Variants in SMIM14 observed in about 807,000 individuals in gnomAD.
SMIM14 encodes the protein chromosome 4 open reading frame 34.
SMIM14 carries 5 observed loss-of-function variants against 12.6 expected under a neutral mutation model. The observed-to-expected ratio is 0.40, with a 90% CI of 0.21 to 0.83. The LOEUF is 0.83. SMIM14 is among the 40% of genes least tolerant of loss of function. SMIM14 has a pLI of 0.37. For missense variants in SMIM14, 86 were observed against 119.1 expected (o/e 0.72, Z 1.29); for synonymous variants, 30 against 40.1 (o/e 0.75, Z 0.95).
intron 2 of SMIM14, among the ~76,000 whole-genome samples, chr4:39,602,563 C>T (rs1714659258): frequency 6.6e-6 from 1 of 152,106 alleles, no homozygotes; most frequent in African/African-American, 2.4e-5. Flanking sequence ...TCATTGTACT[C>T]CAGCCTGGGC....
At chr4:39,552,844 G>T (rs1711787630) in intron 4 of SMIM14, among the ~76,000 whole-genome samples, 1 of 152,140 alleles carries the variant, frequency 6.6e-6, no homozygotes, top group South Asian at 2.1e-4. Flanking sequence ...GTAAAGGAAA[G>T]ATCAGAGTTT....
intron 2 of SMIM14, among the ~76,000 whole-genome samples, chr4:39,585,676 A>G (rs1713750976): frequency 6.6e-6 from 1 of 152,066 alleles, no homozygotes; most frequent in Admixed American, 6.6e-5. Context: ...TGATTTGCTA[A>G]TATCAAAAGA....
chr4:39,602,723 T>C (rs1714664528), intron 2 of SMIM14, among the ~76,000 whole-genome samples: 4 of 152,046 alleles, frequency 2.6e-5, no homozygotes. Flanking sequence ...CCCTCAAGAG[T>C]CTGATTTAAT....
chr4:39,615,771 C>G (rs138028011), intron 1 of SMIM14, among the ~76,000 whole-genome samples: 24 of 152,228 alleles, frequency 1.6e-4, no homozygotes, highest in African/African-American at 5.8e-4. Flanking sequence ...ACCATTGAAA[C>G]TGGATCATGG....
chr4:39,579,219 G>A (rs1446413633), intron 2 of SMIM14, among the ~76,000 whole-genome samples: 1 of 151,416 alleles, frequency 6.6e-6, no homozygotes, highest in Non-Finnish European at 1.5e-5. Flanking sequence ...GAACAGCCTG[G>A]GCAACATGGA....
At chr4:39,614,008 T>C (rs1253206156) in intron 1 of SMIM14, among the ~76,000 whole-genome samples, 1 of 151,826 alleles carries the variant, frequency 6.6e-6, no homozygotes, top group Non-Finnish European at 1.5e-5. Context: ...GTGGCCAATA[T>C]GGTGTGAAAC....
intron 1 of SMIM14, among the ~76,000 whole-genome samples, chr4:39,623,786 C>G (rs1715591949): frequency 6.6e-6 from 1 of 152,112 alleles, no homozygotes; most frequent in African/African-American, 2.4e-5. Flanking sequence ...CACTTGAACC[C>G]AGGAGGCAGA....
intron 3 of SMIM14, among the ~76,000 whole-genome samples, chr4:39,560,259 T>C (rs35329747): frequency 0.36 from 53,939 of 149,502 alleles, 11,721 homozygotes; most frequent in Middle Eastern, 0.48. Flanking sequence ...TCTTTTTTTT[T>C]TTTTTTTGAG....
chr4:39,632,814 CACACACACACACAA>C (rs1382926586), intron 1 of SMIM14, among the ~76,000 whole-genome samples: 2 of 148,268 alleles, frequency 1.3e-5, no homozygotes, highest in Non-Finnish European at 3.0e-5. Context: ...CACACACACA[CACACACACACACAA>C]AAGAAAAAGA....
chr4:39,575,478 T>C (rs1161708649), intron 2 of SMIM14, among the ~76,000 whole-genome samples: 2 of 151,426 alleles, frequency 1.3e-5, no homozygotes. Context: ...TTACAAACAG[T>C]CATGAGCCAC....
chr4:39,634,186 C>G (rs750146138), intron 1 of SMIM14, among the ~76,000 whole-genome samples: 7 of 152,208 alleles, frequency 4.6e-5, no homozygotes, highest in Non-Finnish European at 8.8e-5. Context: ...CTCGGCTTCC[C>G]AAAGTGCTGG....
At chr4:39,576,911 A>C (rs1457592332) in intron 2 of SMIM14, among the ~76,000 whole-genome samples, 2 of 150,526 alleles carry the variant, frequency 1.3e-5, no homozygotes, top group Admixed American at 6.7e-5. Flanking sequence ...GGGTTTCACC[A>C]TATTGGCCAG....
intron 1 of SMIM14, among the ~76,000 whole-genome samples, chr4:39,621,538 G>A (rs1715488340): frequency 6.6e-6 from 1 of 151,916 alleles, no homozygotes. Flanking sequence ...GACTATCAAG[G>A]AAAATAATCT....
intron 2 of SMIM14, among the ~76,000 whole-genome samples, chr4:39,586,141 A>G (rs1483444572): frequency 1.3e-5 from 2 of 152,000 alleles, no homozygotes; most frequent in African/African-American, 4.8e-5. Context: ...AGTCTACCAT[A>G]CCTTTAGTGT....
At chr4:39,583,104 T>TA (rs1375832376) in intron 2 of SMIM14, among the ~76,000 whole-genome samples, 1 of 152,046 alleles carries the variant, frequency 6.6e-6, no homozygotes, top group African/African-American at 2.4e-5. Context: ...TTTGTTTTTT[T>TA]AAGAGACAGG....
chr4:39,619,876 A>ATT (rs368919092), intron 1 of SMIM14, among the ~76,000 whole-genome samples: 2,069 of 115,806 alleles, frequency 0.018, 48 homozygotes, highest in African/African-American at 0.035. Flanking sequence ...ATATATATAT[A>ATT]TTTTTTTTTT....
intron 1 of SMIM14, among the ~76,000 whole-genome samples, chr4:39,626,027 A>C (rs1715686232): frequency 6.6e-6 from 1 of 152,164 alleles, no homozygotes; most frequent in Non-Finnish European, 1.5e-5. Flanking sequence ...GGTGCGGGCC[A>C]GCAAGCATTA....
chr4:39,603,646 A>G, intron 2 of SMIM14, among the ~76,000 whole-genome samples: 1 of 152,094 alleles, frequency 6.6e-6, no homozygotes, highest in East Asian at 1.9e-4. Flanking sequence ...ACTACAATCG[A>G]CTCAATGAGA....
At chr4:39,615,600 G>C (rs996565471) in intron 1 of SMIM14, among the ~76,000 whole-genome samples, 1 of 152,082 alleles carries the variant, frequency 6.6e-6, no homozygotes, top group East Asian at 1.9e-4. Flanking sequence ...CGGATAGTAG[G>C]GAAGCTATGC....
Sources: gnomAD v4.1 joint callset for allele counts (sites outside exome capture counted in the v4.1 genomes callset) on GRCh38, gnomAD v4.1.1 for gene constraint, MANE v1.5 for transcripts, NCBI Gene and HGNC (gene_info 2026-07-23, HGNC 2026-07-21) for gene names.